CYP2C8: variants seen among roughly 807,000 people sequenced by gnomAD.
CYP2C8 encodes cytochrome P450 family 2 subfamily C member 8, also known as cytochrome P450 2C8.
In CYP2C8, 51 loss-of-function variants were observed where a neutral mutation model predicts 41.3. The observed-to-expected ratio is 1.24, with a 90% CI of 0.99 to 1.56. The LOEUF (loss-of-function observed/expected upper bound fraction) is 1.56. CYP2C8 is among the 40% of genes most tolerant of loss of function. The pLI is 0.00. For missense variants in CYP2C8, 651 were observed against 579.9 expected (o/e 1.12, Z -1.26); for synonymous variants, 218 against 205.8 (o/e 1.06, Z -0.51).
At chr10:95,038,578 A>G (rs1350003188) in intron 8 of CYP2C8, among the ~76,000 whole-genome samples, 2 of 152,222 alleles carry the variant, frequency 1.3e-5, no homozygotes, top group African/African-American at 4.8e-5. Flanking sequence ...AAGGCAGGTA[A>G]GGAAAGATCA....
rs267602643 is a variant in CYP2C8 at position 95,069,326 on chromosome 10, C to T, written c.77G>A (p.Arg26Lys). The T allele has an allele frequency of 6.2e-7, 1 of 1,614,080 alleles. No homozygotes were observed. Among genetic ancestry groups the T allele is most frequent in the African/African-American group, 1.3e-5 (1 of 75,050 alleles). The part of the protein sequence containing the change: ...LFSLWRQSCR[R>K]RKLPPGPTPL... The stretch of plus-strand genomic sequence containing the variant: ...AGTGGGGCCAGGAGGGAGCTTCCTT[C>T]TCCTACAGCTCTGTCTCCAGAGTGA... Residue 26 changes from arginine to lysine, a missense_variant, in exon 1 of 9, where the codon AGA (arginine) becomes AAA (lysine). Physicochemically the swap from Arg to Lys is conservative, Grantham distance 26 (BLOSUM62 2). Transcript: ENST00000371270.
intron 4 of CYP2C8, among the ~76,000 whole-genome samples, chr10:95,061,890 T>G (rs569003765): frequency 3.9e-5 from 6 of 152,280 alleles, no homozygotes; most frequent in South Asian, 4.1e-4. Context: ...CCTTCATTTC[T>G]TTAGGTACCC....
chr10:95,061,959 T>C (rs540103371), intron 4 of CYP2C8, among the ~76,000 whole-genome samples: 1 of 152,188 alleles, frequency 6.6e-6, no homozygotes, highest in East Asian at 1.9e-4. Context: ...TTTGAGTGAG[T>C]TTCTTAATCC....
intron 3 of CYP2C8, among the ~76,000 whole-genome samples, chr10:95,066,899 A>G (rs546955065): frequency 5.3e-4 from 80 of 152,270 alleles, no homozygotes; most frequent in African/African-American, 1.9e-3. Context: ...ACCTTCTTTA[A>G]CTCTTCAAAA....
At chr10:95,051,056 A>G (rs772210703) in intron 5 of CYP2C8, among the ~76,000 whole-genome samples, 3 of 152,198 alleles carry the variant, frequency 2.0e-5, no homozygotes, top group African/African-American at 4.8e-5. Context: ...GCCAGAGAAT[A>G]TAAGATAGTT....
At chr10:95,063,471 C>T (rs1252906123) in intron 4 of CYP2C8, among the ~76,000 whole-genome samples, 1 of 152,206 alleles carries the variant, frequency 6.6e-6, no homozygotes, top group Non-Finnish European at 1.5e-5. Context: ...AGTTCTCCTG[C>T]CATGGTTTTC....
chr10:95,064,143 C>A (rs1311014835), intron 4 of CYP2C8, among the ~76,000 whole-genome samples: 2 of 152,194 alleles, frequency 1.3e-5, no homozygotes, highest in Non-Finnish European at 2.9e-5. Flanking sequence ...AGAACCACTA[C>A]TCTCTTTAAA....
chr10:95,038,320 C>A (rs1356131710), intron 8 of CYP2C8, among the ~76,000 whole-genome samples: 4 of 152,204 alleles, frequency 2.6e-5, no homozygotes, highest in Non-Finnish European at 4.4e-5. Flanking sequence ...CCATTTTATG[C>A]CTCACTGTGT....
chr10:95,062,341 A>G (rs1006901332), intron 4 of CYP2C8, among the ~76,000 whole-genome samples: 13 of 152,158 alleles, frequency 8.5e-5, no homozygotes, highest in Non-Finnish European at 1.8e-4. Flanking sequence ...GGGTGCATAT[A>G]TATTTAGGAT....
chr10:95,054,032 A>T (rs2033262867), intron 5 of CYP2C8, among the ~76,000 whole-genome samples: 1 of 152,144 alleles, frequency 6.6e-6, no homozygotes, highest in South Asian at 2.1e-4. Flanking sequence ...AAATTGTGAA[A>T]ATCTAAAAGC....
rs543793530 is a variant in CYP2C8 at position 95,064,885 on chromosome 10, C to A, written c.557G>T (p.Arg186Leu). Reference protein sequence around the residue: ...NVICSVVFQKRFDYKDQNFLT... With the variant: ...NVICSVVFQKLFDYKDQNFLT... ...AAAATTCTGATCTTTATAATCAAATCGTTTCTGGAAAACAACGGAGCAGAT... is the reference window on the plus strand; with the variant it reads ...AAAATTCTGATCTTTATAATCAAATAGTTTCTGGAAAACAACGGAGCAGAT... Residue 186 changes from arginine (R) to leucine (L), a missense_variant, in exon 4 of 9, where the codon CGA becomes CTA. By Grantham distance (102) the Arg-to-Leu change is moderately radical. Transcript: ENST00000371270. 2 of 1,613,704 alleles carry A rather than the reference C, an allele frequency of 1.2e-6. No individual in the cohort carries two copies. The highest frequency in any genetic ancestry group is 1.7e-6 in the Non-Finnish European group (2 of 1,179,956).
intron 4 of CYP2C8, among the ~76,000 whole-genome samples, chr10:95,059,308 G>A (rs2134429913): frequency 6.6e-6 from 1 of 152,300 alleles, no homozygotes; most frequent in African/African-American, 2.4e-5. Flanking sequence ...AGAACCTGTT[G>A]TTTCCTGACT....
At chr10:95,060,757 T>C (rs953769055) in intron 4 of CYP2C8, among the ~76,000 whole-genome samples, 4 of 152,130 alleles carry the variant, frequency 2.6e-5, no homozygotes, top group Admixed American at 6.5e-5. Flanking sequence ...TTTTGCCCAT[T>C]CAGTATGATA....
At chr10:95,050,189 G>A (rs2033188905) in intron 5 of CYP2C8, among the ~76,000 whole-genome samples, 1 of 152,074 alleles carries the variant, frequency 6.6e-6, no homozygotes, top group African/African-American at 2.4e-5. Flanking sequence ...ACTGCCTTTG[G>A]AAAGGAAAGG....
intron 8 of CYP2C8, among the ~76,000 whole-genome samples, chr10:95,038,392 T>C (rs758043582): frequency 4.6e-5 from 7 of 152,158 alleles, no homozygotes; most frequent in Non-Finnish European, 7.4e-5. Context: ...GGCCTGTGCT[T>C]TCCTCTCTCA....
At chr10:95,039,252 G>A (rs2032949977) in intron 7 of CYP2C8, 2 of 550,494 alleles carry the variant, frequency 3.6e-6, no homozygotes, top group Non-Finnish European at 6.5e-6. Context: ...TTGGATACTT[G>A]TGTGCAACCT....
At position 95,046,872 on chromosome 10, in the gene CYP2C8, A is replaced by G. The variant is rs189921515; in HGVS notation, c.820-921T>C. ...AGATATATAAGCCAACTATTTGATT[A>G]AGCTCTTGATATAGTTTGGATAATA... On this transcript the variant is annotated intron_variant, in intron 5 of 8. Coordinates refer to ENST00000371270, the MANE Select transcript of CYP2C8 (RefSeq NM_000770.3). 3.3e-5 allele frequency among the ~76,000 whole-genome samples: 5 copies of G among 152,226 alleles called. No individual in the cohort carries two copies. The East Asian group carries it at 7.7e-4, about 24-fold the overall frequency.
Position 95,037,012 on chromosome 10 carries a change from T to C in CYP2C8, c.*116A>G. On this transcript the variant is annotated 3_prime_UTR_variant, in exon 9 of 9. Transcript: ENST00000371270. ...ATGGAGTTTGGATGCTTATGGGATA[T>C]TGAGTGAATGGGAAGATTTGATGAG... is the stretch of plus-strand genomic sequence containing the variant. The C allele has an allele frequency of 1.0e-6, 1 of 967,176 alleles. No individual in the cohort carries two copies. Among genetic ancestry groups the C allele is most frequent in the East Asian group, 2.5e-5 (1 of 40,174 alleles). 59.9% of individuals were successfully genotyped at this position (967,176 alleles called of 1,614,324 possible). A position where few individuals can be genotyped will look rare whatever the true frequency, so the allele number is the denominator to read the frequency against.
At chr10:95,066,967 G>A (rs2134441525) in intron 3 of CYP2C8, among the ~76,000 whole-genome samples, 1 of 152,272 alleles carries the variant, frequency 6.6e-6, no homozygotes, top group East Asian at 1.9e-4. Flanking sequence ...ACAAAATTGA[G>A]CAGAAAATAG....
Sources: gnomAD v4.1 joint callset for allele counts (sites outside exome capture counted in the v4.1 genomes callset) on GRCh38, gnomAD v4.1.1 for gene constraint, MANE v1.5 for transcripts, NCBI Gene and HGNC (gene_info 2026-07-23, HGNC 2026-07-21) for gene names.